Variants in LINGO2 observed in about 807,000 individuals in gnomAD.
LINGO2 encodes leucine rich repeat and Ig domain containing 2.
In LINGO2, 14 loss-of-function variants were observed where a neutral mutation model predicts 30.6. That is an observed-to-expected ratio of 0.46 (90% CI 0.30 to 0.72). The LOEUF (loss-of-function observed/expected upper bound fraction) is 0.72, where lower values mean the gene tolerates loss of function less well. Ranked by LOEUF, LINGO2 falls within the 30% of genes least tolerant of loss-of-function variation. LINGO2 has a pLI of 0.07. For missense variants in LINGO2, 729 were observed against 751.7 expected, an observed-to-expected ratio of 0.97 and a Z score of 0.35; for synonymous variants, 317 against 288.5, an observed-to-expected ratio of 1.10 and a Z score of -1.00.
chr9:28,819,609 T>C, the LINGO2 span, among the ~76,000 whole-genome samples: 1 of 152,102 alleles, frequency 6.6e-6, no homozygotes, highest in Non-Finnish European at 1.5e-5. Context: ...CAAACAGCTA[T>C]TATATTGTGG....
chr9:28,492,893 C>G (rs1031125047), intron 1 of LINGO2, among the ~76,000 whole-genome samples: 4 of 152,136 alleles, frequency 2.6e-5, no homozygotes, highest in Non-Finnish European at 5.9e-5. Context: ...TACTTCATCA[C>G]TGAGCAATTA....
At chr9:28,923,224 A>T in the LINGO2 span, among the ~76,000 whole-genome samples, 1 of 152,164 alleles carries the variant, frequency 6.6e-6, no homozygotes, top group African/African-American at 2.4e-5. Flanking sequence ...TGGTGACTAC[A>T]TTTCCCTAAC....
chr9:28,209,703 A>G (rs1820526215), intron 4 of LINGO2, among the ~76,000 whole-genome samples: 1 of 151,966 alleles, frequency 6.6e-6, no homozygotes, highest in East Asian at 1.9e-4. Flanking sequence ...TTCTATGTTG[A>G]AAGAGTACAT....
intron 2 of LINGO2, among the ~76,000 whole-genome samples, chr9:28,439,528 A>G (rs1343136314): frequency 1.3e-5 from 2 of 152,050 alleles, no homozygotes; most frequent in Non-Finnish European, 2.9e-5. Context: ...ACTGACTCAT[A>G]GGGGCAGACT....
chr9:28,791,329 C>T, the LINGO2 span, among the ~76,000 whole-genome samples: 24 of 152,068 alleles, frequency 1.6e-4, no homozygotes, highest in African/African-American at 5.3e-4. Flanking sequence ...ATCTTGAACA[C>T]TGACAATGAT....
the LINGO2 span, among the ~76,000 whole-genome samples, chr9:28,751,045 G>A: frequency 2.6e-5 from 4 of 151,800 alleles, no homozygotes; most frequent in East Asian, 1.9e-4. Context: ...TAGGAGATTC[G>A]CTTGAGAACA....
the LINGO2 span, among the ~76,000 whole-genome samples, chr9:29,210,766 C>T: frequency 6.6e-6 from 1 of 152,210 alleles, no homozygotes; most frequent in African/African-American, 2.4e-5. Flanking sequence ...AACTAAACCA[C>T]TTCTGCCATC....
chr9:28,228,337 A>G (rs898736158), intron 4 of LINGO2, among the ~76,000 whole-genome samples: 2 of 152,004 alleles, frequency 1.3e-5, no homozygotes, highest in East Asian at 3.8e-4. Flanking sequence ...CTAACTTTCT[A>G]TATAGCTTCT....
At chr9:29,186,252 A>G in the LINGO2 span, among the ~76,000 whole-genome samples, 1 of 152,146 alleles carries the variant, frequency 6.6e-6, no homozygotes, top group Non-Finnish European at 1.5e-5. Context: ...TTAAATTACC[A>G]TTAAACTCTA....
intron 4 of LINGO2, among the ~76,000 whole-genome samples, chr9:28,245,538 T>C (rs888604580): frequency 1.2e-4 from 18 of 152,166 alleles, no homozygotes; most frequent in African/African-American, 4.1e-4. Flanking sequence ...GACGTGATCC[T>C]ACACCTAGAG....
At chr9:28,446,884 G>A (rs959720139) in intron 2 of LINGO2, among the ~76,000 whole-genome samples, 21 of 152,182 alleles carry the variant, frequency 1.4e-4, no homozygotes, top group African/African-American at 2.4e-5. Context: ...ATAAATGACA[G>A]GAAGCCTCTA....
At chr9:28,853,982 T>C in the LINGO2 span, among the ~76,000 whole-genome samples, 2 of 151,934 alleles carry the variant, frequency 1.3e-5, no homozygotes, top group African/African-American at 2.4e-5. Context: ...GTTATGAAGA[T>C]TAAATAAAAT....
intron 4 of LINGO2, among the ~76,000 whole-genome samples, chr9:28,020,717 A>T (rs1189533166): frequency 6.6e-6 from 1 of 152,192 alleles, no homozygotes; most frequent in Non-Finnish European, 1.5e-5. Context: ...TCAACATCTT[A>T]AACAGAGGTA....
At chr9:28,980,325 T>C in the LINGO2 span, among the ~76,000 whole-genome samples, 1 of 152,094 alleles carries the variant, frequency 6.6e-6, no homozygotes, top group African/African-American at 2.4e-5. Context: ...ATAATCCATT[T>C]TCAATAGTAG....
At chr9:28,860,547 T>C in the LINGO2 span, among the ~76,000 whole-genome samples, 9 of 151,932 alleles carry the variant, frequency 5.9e-5, no homozygotes, top group African/African-American at 2.2e-4. Context: ...CAATTACTTA[T>C]GATAAATCCC....
intron 3 of LINGO2, among the ~76,000 whole-genome samples, chr9:28,316,578 A>G (rs1028807216): frequency 6.6e-6 from 1 of 152,190 alleles, no homozygotes; most frequent in African/African-American, 2.4e-5. Context: ...TACAAAAAAG[A>G]TCATGTAAAA....
the LINGO2 span, among the ~76,000 whole-genome samples, chr9:29,118,091 A>T: frequency 5.8e-3 from 886 of 152,268 alleles, 8 homozygotes; most frequent in African/African-American, 0.021. Context: ...CAAAACAAAC[A>T]TCAAAAAAAT....
At chr9:28,028,852 T>A (rs573895968) in intron 4 of LINGO2, among the ~76,000 whole-genome samples, 1 of 152,156 alleles carries the variant, frequency 6.6e-6, no homozygotes, top group Non-Finnish European at 1.5e-5. Context: ...AGCATATATA[T>A]AAGTATACAG....
the LINGO2 span, among the ~76,000 whole-genome samples, chr9:29,092,710 A>G: frequency 1.5e-5 from 2 of 137,400 alleles, no homozygotes; most frequent in Non-Finnish European, 3.2e-5. Flanking sequence ...TTCTGTTAGC[A>G]TTTAAAGTTC....
Sources: gnomAD v4.1 joint callset for allele counts (sites outside exome capture counted in the v4.1 genomes callset) on GRCh38, gnomAD v4.1.1 for gene constraint, MANE v1.5 for transcripts, NCBI Gene and HGNC (gene_info 2026-07-23, HGNC 2026-07-21) for gene names.